VAV3: variants seen among roughly 807,000 people sequenced by gnomAD.
The protein encoded by VAV3 is guanine nucleotide exchange factor VAV3.
In VAV3, 94 loss-of-function variants were observed where a neutral mutation model predicts 131.2. The ratio of observed to expected loss-of-function variants is 0.72; its 90% CI spans 0.61 to 0.85. The LOEUF (loss-of-function observed/expected upper bound fraction) is 0.85. Ranked by LOEUF, VAV3 falls within the 40% of genes least tolerant of loss-of-function variation. The pLI, the probability that VAV3 is intolerant of heterozygous loss-of-function variation, is 0.00. For missense variants in VAV3, 939 were observed against 1,002.7 expected, an observed-to-expected ratio of 0.94 and a Z score of 0.86; for synonymous variants, 349 against 342.0, an observed-to-expected ratio of 1.02 and a Z score of -0.22.
intron 19 of VAV3, among the ~76,000 whole-genome samples, chr1:107,665,234 A>G: frequency 6.6e-6 from 1 of 151,936 alleles, no homozygotes; most frequent in East Asian, 1.9e-4. Flanking sequence ...GTGGTGTAGA[A>G]GAAGGGTTAG....
At chr1:107,654,812 A>G (rs1162397089) in intron 19 of VAV3, among the ~76,000 whole-genome samples, 4 of 152,100 alleles carry the variant, frequency 2.6e-5, no homozygotes, top group Non-Finnish European at 5.9e-5. Flanking sequence ...TCTAACAGGG[A>G]AAAGGAAAAT....
intron 25 of VAV3, among the ~76,000 whole-genome samples, chr1:107,575,134 G>A (rs1649552710): frequency 6.6e-6 from 1 of 152,124 alleles, no homozygotes; most frequent in Non-Finnish European, 1.5e-5. Context: ...TTAGTCTCTA[G>A]TGTTTCATGG....
chr1:107,846,469 G>T (rs926722434), intron 2 of VAV3, among the ~76,000 whole-genome samples: 4 of 152,152 alleles, frequency 2.6e-5, no homozygotes, highest in African/African-American at 7.2e-5. Context: ...ACACAGACTG[G>T]CAAATTGGAT....
chr1:107,638,463 G>A (rs1409588219), intron 20 of VAV3, among the ~76,000 whole-genome samples: 1 of 152,044 alleles, frequency 6.6e-6, no homozygotes, highest in African/African-American at 2.4e-5. Flanking sequence ...AATAATTACA[G>A]ATAAATATGA....
chr1:107,747,666 T>A (rs1663437630), intron 15 of VAV3, among the ~76,000 whole-genome samples: 1 of 152,196 alleles, frequency 6.6e-6, no homozygotes, highest in Non-Finnish European at 1.5e-5. Flanking sequence ...ACATATTACC[T>A]AGAATTTGAA....
At chr1:107,709,053 C>T (rs1256215132) in intron 15 of VAV3, among the ~76,000 whole-genome samples, 4 of 152,058 alleles carry the variant, frequency 2.6e-5, no homozygotes, top group African/African-American at 9.7e-5. Context: ...GGCCAGTTAC[C>T]AGAGGAGATG....
chr1:107,960,465 CAA>C (rs61022558), intron 1 of VAV3, among the ~76,000 whole-genome samples: 1 of 140,716 alleles, frequency 7.1e-6, no homozygotes, highest in Non-Finnish European at 1.6e-5. Flanking sequence ...GACTCCGTCT[CAA>C]AAAAAAAAAG....
chr1:107,956,033 C>G (rs1463886505), intron 1 of VAV3, among the ~76,000 whole-genome samples: 1 of 152,208 alleles, frequency 6.6e-6, no homozygotes, highest in East Asian at 1.9e-4. Context: ...GGGAAAGATC[C>G]AAGTGAGAAC....
Position 107,642,722 on chromosome 1 carries a change from G to C in VAV3, c.1811C>G (p.Ser604Cys). The change falls in exon 20 of 27, where the codon TCT becomes TGT. Residue 604 changes from serine to cysteine, a missense_variant. Transcript: ENST00000370056. ...ATGCAGAGCTGGGGGTGGTGTTCCA[G>C]AATAGTTCCTAATGACCTGCATCTT... ...LPKMQVIRNY[S>C]GTPPPALHEG... is the part of the protein sequence containing the mutation. 1 of 1,613,416 alleles carries C rather than the reference G, an allele frequency of 6.2e-7. No individual in the cohort carries two copies. The highest frequency in any genetic ancestry group is 8.5e-7 in the Non-Finnish European group (1 of 1,179,634).
At chr1:107,938,397 A>G (rs538092122) in intron 1 of VAV3, among the ~76,000 whole-genome samples, 1 of 152,326 alleles carries the variant, frequency 6.6e-6, no homozygotes, top group Admixed American at 6.5e-5. Flanking sequence ...GGAGGAAACT[A>G]TCAGGACCAC....
At chr1:107,770,863 C>T in intron 5 of VAV3, 135 bp from the exon 6 acceptor site, 1 of 644,414 alleles carries the variant, frequency 1.6e-6, no homozygotes, top group East Asian at 2.9e-5. Flanking sequence ...AGACATCTAA[C>T]TGCATTTGTG....
chr1:107,603,071 G>A lies in VAV3; in HGVS notation c.2108C>T (p.Ser703Leu). 1 of 1,613,150 alleles carries A rather than the reference G, an allele frequency of 6.2e-7. No homozygotes were observed. The highest frequency in any genetic ancestry group is 8.5e-7 in the Non-Finnish European group (1 of 1,179,484). The change falls in exon 23 of 27, where the codon TCA becomes TTA. Residue 703 changes from serine (S) to leucine (L), a missense_variant. Ser to Leu is a moderately radical substitution (Grantham distance 145, BLOSUM62 -2). Coordinates refer to ENST00000370056, the MANE Select transcript of VAV3 (RefSeq NM_006113.5). ...CTTAATGCTAATTGCATATTCTCCTGACTCTTTGGTCCTGTGCCTCACAAG... is the reference window on the plus strand; with the variant it reads ...CTTAATGCTAATTGCATATTCTCCTAACTCTTTGGTCCTGTGCCTCACAAG... ...TYLVRHRTKE[S>L]GEYAISIKYN...
intron 1 of VAV3, among the ~76,000 whole-genome samples, chr1:107,925,233 C>A (rs989232738): frequency 1.3e-5 from 2 of 151,984 alleles, no homozygotes; most frequent in Admixed American, 6.6e-5. Flanking sequence ...GAGGGAGGGA[C>A]CAAAGTGAGA....
intron 2 of VAV3, among the ~76,000 whole-genome samples, chr1:107,806,261 A>G (rs1252846043): frequency 1.3e-5 from 2 of 152,082 alleles, no homozygotes; most frequent in African/African-American, 4.8e-5. Context: ...AGTGTTAGAA[A>G]CCATGAGTTG....
chr1:107,657,808 T>G (rs1020286553), intron 19 of VAV3, among the ~76,000 whole-genome samples: 2 of 152,214 alleles, frequency 1.3e-5, no homozygotes, highest in African/African-American at 4.8e-5. Context: ...ATTTTCATAC[T>G]TGTTATTCAG....
intron 25 of VAV3, among the ~76,000 whole-genome samples, chr1:107,582,235 G>T (rs1650106917): frequency 6.6e-6 from 1 of 152,130 alleles, no homozygotes; most frequent in African/African-American, 2.4e-5. Flanking sequence ...AACATGCTGA[G>T]AATTTAATGA....
chr1:107,736,739 T>G (rs1221691542), intron 15 of VAV3, among the ~76,000 whole-genome samples: 1 of 151,896 alleles, frequency 6.6e-6, no homozygotes, highest in Non-Finnish European at 1.5e-5. Context: ...TCCATGCTCA[T>G]GGATAGGAAG....
chr1:107,944,146 C>T (rs1189332584), intron 1 of VAV3, among the ~76,000 whole-genome samples: 2 of 152,218 alleles, frequency 1.3e-5, no homozygotes, highest in Non-Finnish European at 2.9e-5. Context: ...GAAAACAGAT[C>T]GAAATGTAGG....
chr1:107,612,177 T>C (rs902744290), intron 21 of VAV3, among the ~76,000 whole-genome samples: 1 of 73,470 alleles, frequency 1.4e-5, no homozygotes, highest in Non-Finnish European at 3.0e-5. Context: ...AATATTTATA[T>C]TGGTCTATAT....
Sources: allele counts gnomAD v4.1 joint callset (sites outside exome capture counted in the v4.1 genomes callset), GRCh38; gene constraint gnomAD v4.1.1; transcripts MANE v1.5; gene names NCBI Gene and HGNC (gene_info 2026-07-23, HGNC 2026-07-21).